The following PHF1 variants were observed in gnomAD, a reference collection of about 807,000 sequenced individuals.
PHF1 encodes the protein PHD finger protein 1.
In PHF1, 16 loss-of-function variants were observed where a neutral mutation model predicts 69.4. That is an observed-to-expected ratio of 0.23 (90% CI 0.16 to 0.35). The LOEUF (loss-of-function observed/expected upper bound fraction) is 0.35, where lower values mean the gene tolerates loss of function less well. Ranked by LOEUF, PHF1 falls within the 10% of genes least tolerant of loss-of-function variation. The probability of loss-of-function intolerance (pLI) is 1.00; values close to 1 mark genes in which losing one functional copy is unlikely to be tolerated. For missense variants in PHF1, 515 were observed against 732.8 expected, an observed-to-expected ratio of 0.70 and a Z score of 3.43; for synonymous variants, 274 against 275.0, an observed-to-expected ratio of 1.00 and a Z score of 0.04.
In PHF1 at chr6:33,415,909, A is replaced by C. The variant is rs1453593405; in HGVS notation, c.1515A>C (p.Pro505=). 6.2e-7 allele frequency: 1 copy of C among 1,613,688 alleles called. No homozygotes were observed. Among genetic ancestry groups the C allele is most frequent in the Admixed American group, 1.7e-5 (1 of 59,988 alleles). The change falls in exon 15 of 15, where the codon CCA becomes CCC. Residue 505 remains proline, a synonymous_variant. Transcript: ENST00000374516. ...CTTCCTCAGTTTCATCCCCATCCCC[A>C]GGTCTTCCTAGACGCTCAGCACCCC... ...ASSSSVSSPS[P]GLPRRSAPPS... is the part of the protein sequence containing the mutation.
In PHF1 at chr6:33,411,629, C is replaced by T. The variant is rs1581937024; in HGVS notation, c.-17+414C>T. On this transcript the variant is annotated intron_variant, in intron 1 of 14. Transcript: ENST00000374516. ...CTTTGCTTCTACAACCATAATTTCT[C>T]CTAAAATTTCAAGGCCAGTATATAA... Among the ~76,000 whole-genome samples, 4 of 152,088 alleles carry T rather than the reference C, an allele frequency of 2.6e-5. No homozygotes were observed. In the South Asian group the frequency reaches 8.3e-4, roughly 32 times the overall value.
At position 33,415,150 on chromosome 6, in the gene PHF1, G is replaced by A; in HGVS notation, c.1239+6G>A. The stretch of plus-strand genomic sequence containing the variant: ...ATCTGCAGAGGGCACTGCAGGTACT[G>A]GAGCAGGGGGAACCCGATGGAGCAA... On this transcript the variant is annotated splice_donor_region_variant and intron_variant, in intron 12 of 14. Coordinates refer to ENST00000374516, the MANE Select transcript of PHF1 (RefSeq NM_024165.3). The A allele has an allele frequency of 6.2e-7, 1 of 1,613,730 alleles. No homozygotes were observed. The highest frequency in any genetic ancestry group is 1.7e-4 in the Middle Eastern group (1 of 6,056).
rs1487134588 is a variant in PHF1 at position 33,414,448 on chromosome 6, C to T, written c.877-29C>T. 1.9e-6 allele frequency: 3 copies of T among 1,613,608 alleles called. No individual in the cohort carries two copies. Among genetic ancestry groups the T allele is most frequent in the South Asian group, 1.1e-5 (1 of 91,070 alleles). On this transcript the variant is annotated intron_variant, in intron 9 of 14. Coordinates refer to ENST00000374516, the MANE Select transcript of PHF1 (RefSeq NM_024165.3). The surrounding 1 kb of genome is among the most constrained non-coding windows in gnomAD (Gnocchi z 5.0). ...GGGAAGAGAAGAAATCACTGCTCCC[C>T]TGGCCCCATTTTTCTTCATTTCTCC... is the stretch of plus-strand genomic sequence containing the variant.
In PHF1 at chr6:33,414,246, G is replaced by A; in HGVS notation, c.756G>A (p.Val252=). The change falls in exon 9 of 15, where the codon GTG becomes GTA. Residue 252 remains valine, a synonymous_variant. Coordinates refer to ENST00000374516, the MANE Select transcript of PHF1 (RefSeq NM_024165.3). This position sits in a 1 kb window ranked among gnomAD's most constrained non-coding sequence, Gnocchi z 5.0. Reference sequence around the variant, plus strand: ...CTTGAAAACTTTGTTTTTCCAGGGTGGATGTGGCCCATCTTGTCCTGTATC... The same window carrying A: ...CTTGAAAACTTTGTTTTTCCAGGGTAGATGTGGCCCATCTTGTCCTGTATC... ...EKVRRLQLRW[V]DVAHLVLYHL... is the part of the protein sequence containing the mutation. 1 of 1,614,128 alleles carries A rather than the reference G, an allele frequency of 6.2e-7. No homozygotes were observed. Among genetic ancestry groups the A allele is most frequent in the Non-Finnish European group, 8.5e-7 (1 of 1,180,028 alleles).
rs909969183 is a variant in PHF1 at position 33,414,990 on chromosome 6, C to T, written c.1085C>T (p.Ser362Leu). The change falls in exon 12 of 15, where the codon TCA (serine) becomes TTA (leucine). Residue 362 changes from serine to leucine, a missense_variant. Around this residue, in one of 5 missense-constraint regions of PHF1, gnomAD observed 274 missense variants for 304.5 expected, o/e 0.90. Transcript: ENST00000374516. This position sits in a 1 kb window ranked among gnomAD's most constrained non-coding sequence, Gnocchi z 5.0. ...GGGCAGGGCCCTGGGGGAGGGGTCTCACGTCCCCTGGGGAAGCGCCGGAGG... is the reference window on the plus strand; with the variant it reads ...GGGCAGGGCCCTGGGGGAGGGGTCTTACGTCCCCTGGGGAAGCGCCGGAGG... Reference protein sequence around the residue: ...PSGQGPGGGVSRPLGKRRRPE... With the variant: ...PSGQGPGGGVLRPLGKRRRPE... The T allele has an allele frequency of 2.1e-5, 32 of 1,554,502 alleles. No homozygotes were observed. Among genetic ancestry groups the T allele is most frequent in the Non-Finnish European group, 2.7e-5 (31 of 1,149,520 alleles).
At chr6:33,411,925 A>T (rs1255941758) in intron 1 of PHF1, among the ~76,000 whole-genome samples, 1 of 152,128 alleles carries the variant, frequency 6.6e-6, no homozygotes, top group Non-Finnish European at 1.5e-5. Context: ...CACTTTGGGA[A>T]GCTGAGGTGG....
intron 1 of PHF1, among the ~76,000 whole-genome samples, 164 bp downstream of exon 1, chr6:33,411,379 G>GC (rs1377842068): frequency 1.3e-5 from 2 of 151,992 alleles, no homozygotes; most frequent in South Asian, 2.1e-4. Flanking sequence ...ACTGGGACAC[G>GC]CCCCCCTCCC....
rs1432057465 is a variant in PHF1 at position 33,412,692 on chromosome 6, T to C, written c.242-6T>C. The stretch of plus-strand genomic sequence containing the variant: ...GCAGGCCCTGTGACACTGTGTTCTC[T>C]CACAGCTGCCCTCCCTGGAGAGGAA... On this transcript the variant is annotated splice_region_variant and splice_polypyrimidine_tract_variant and intron_variant, in intron 3 of 14. Transcript: ENST00000374516. This position sits in a 1 kb window ranked among gnomAD's most constrained non-coding sequence, Gnocchi z 4.2. The C allele has an allele frequency of 6.2e-7, 1 of 1,613,830 alleles. No individual in the cohort carries two copies.
In PHF1 at chr6:33,415,689, T is replaced by C. The variant is rs2151112623; in HGVS notation, c.1415+19T>C. The C allele has an allele frequency of 6.2e-7, 1 of 1,612,256 alleles. No individual in the cohort carries two copies. The highest frequency in any genetic ancestry group is 8.5e-7 in the Non-Finnish European group (1 of 1,178,346). On this transcript the variant is annotated intron_variant, in intron 14 of 14. Coordinates refer to ENST00000374516, the MANE Select transcript of PHF1 (RefSeq NM_024165.3). ...CAGACAGGTGAGATTCTGTCTTCTATTACCAGTGATGCTCTTCTTCCCCTC... is the reference window on the plus strand; with the variant it reads ...CAGACAGGTGAGATTCTGTCTTCTACTACCAGTGATGCTCTTCTTCCCCTC...
chr6:33,414,163 C>G lies in PHF1; in HGVS notation c.752+54C>G, dbSNP rs1581945142. 6.2e-7 allele frequency: 1 copy of G among 1,613,536 alleles called. No individual in the cohort carries two copies. The highest frequency in any genetic ancestry group is 8.5e-7 in the Non-Finnish European group (1 of 1,179,452). The stretch of plus-strand genomic sequence containing the variant: ...TAACTCCACACCACAGTATTTCACT[C>G]TATATGCCCCAACCTCCCACCTCAG... On this transcript the variant is annotated intron_variant, in intron 8 of 14. Transcript: ENST00000374516. The surrounding 1 kb of genome is among the most constrained non-coding windows in gnomAD (Gnocchi z 5.0).
At position 33,414,814 on chromosome 6, in the gene PHF1, A is replaced by G; in HGVS notation, c.1034A>G (p.Asp345Gly). Residue 345 changes from aspartate to glycine, a missense_variant, in exon 11 of 15, where the codon GAT becomes GGT. Coordinates refer to ENST00000374516, the MANE Select transcript of PHF1 (RefSeq NM_024165.3). This position sits in a 1 kb window ranked among gnomAD's most constrained non-coding sequence, Gnocchi z 5.0. ...CCCCCTGTGGAGCCCCCTACTGGAG[A>G]TGGAGCACTCACCAGGTCACTGGTC... is the stretch of plus-strand genomic sequence containing the variant. ...MPPPVEPPTG[D>G]GALTSFPSGQ... The G allele has an allele frequency of 6.2e-7, 1 of 1,611,726 alleles. No individual in the cohort carries two copies. The highest frequency in any genetic ancestry group is 8.5e-7 in the Non-Finnish European group (1 of 1,179,046).
Position 33,416,010 on chromosome 6 carries a change from G to C in PHF1, c.1616G>C (p.Gly539Ala), listed in dbSNP as rs750089367. ...VRGGVGYLSR[G>A]DPVRVLARRV... ...GGTGGGGTTGGTTACCTGTCCCGAG[G>C]GGACCCTGTCCGGGTCCTTGCTCGG... Residue 539 changes from glycine (G) to alanine (A), a missense_variant, in exon 15 of 15, where the codon GGG (glycine) becomes GCG (alanine). By Grantham distance (60) the Gly-to-Ala change is moderately conservative (BLOSUM62 0). Transcript: ENST00000374516. 4.0e-5 allele frequency: 64 copies of C among 1,613,676 alleles called. No individual in the cohort carries two copies. The highest frequency in any genetic ancestry group is 5.4e-5 in the Non-Finnish European group (64 of 1,179,708).
chr6:33,415,869 C>G lies in PHF1; in HGVS notation c.1475C>G (p.Ser492Trp). ...GACATCCCTAAAAGTGCCCCCCACTCGATGACTGCCTCATCTTCCTCAGTT... is the reference window on the plus strand; with the variant it reads ...GACATCCCTAAAAGTGCCCCCCACTGGATGACTGCCTCATCTTCCTCAGTT... ...PTDIPKSAPHSMTASSSSVSS... is the reference protein window; with the variant it reads ...PTDIPKSAPHWMTASSSSVSS... Residue 492 changes from serine (S) to tryptophan (W), a missense_variant, in exon 15 of 15, where the codon TCG (serine) becomes TGG (tryptophan). Physicochemically the swap from Ser to Trp is radical, Grantham distance 177. Around this residue, in one of 5 missense-constraint regions of PHF1, gnomAD observed 274 missense variants for 304.5 expected, o/e 0.90. Transcript: ENST00000374516. The G allele has an allele frequency of 6.2e-7, 1 of 1,610,580 alleles. No homozygotes were observed. The highest frequency in any genetic ancestry group is 8.5e-7 in the Non-Finnish European group (1 of 1,177,380).
chr6:33,413,185 T>TA lies in PHF1; in HGVS notation c.338-10dup, dbSNP rs1251441816. On this transcript the variant is annotated splice_polypyrimidine_tract_variant and intron_variant, in intron 4 of 14. Transcript: ENST00000374516. ...AGGTATGCAATAAGTGGTCTACTAT[T>TA]ATCACTGCAGCTTATCACCAGGACT... 4 of 1,610,484 alleles carry TA rather than the reference T, an allele frequency of 2.5e-6. No homozygotes were observed. The highest frequency in any genetic ancestry group is 3.4e-6 in the Non-Finnish European group (4 of 1,176,890).
In PHF1 at chr6:33,412,130, C is replaced by T; in HGVS notation, c.-16-118C>T. ...TGAGCCAAGATTGTGCCACTGCACT[C>T]TGGCCTGGGCGACAGAGCAAAACTC... On this transcript the variant is annotated intron_variant, in intron 1 of 14. Coordinates refer to ENST00000374516, the MANE Select transcript of PHF1 (RefSeq NM_024165.3). The surrounding 1 kb of genome is among the most constrained non-coding windows in gnomAD (Gnocchi z 4.2). 6 of 771,704 alleles carry T rather than the reference C, an allele frequency of 7.8e-6. No homozygotes were observed. In the Admixed American group the frequency reaches 1.7e-4, roughly 22 times the overall value. The allele number at this position is 771,704 out of a possible 1,614,324, so 47.8% of individuals were successfully genotyped here. A position where few individuals can be genotyped will look rare whatever the true frequency, so the allele number is the denominator to read the frequency against.
At position 33,412,454 on chromosome 6, in the gene PHF1, G is replaced by C; in HGVS notation, c.159+32G>C. On this transcript the variant is annotated intron_variant, in intron 2 of 14. Transcript: ENST00000374516. The surrounding 1 kb of genome is among the most constrained non-coding windows in gnomAD (Gnocchi z 4.2). Reference sequence around the variant, plus strand: ...CCTTCTACCTCTGACCTTCTTCCTAGTTCCCTTATCTAATTCTGGTTCCCA... The same window carrying C: ...CCTTCTACCTCTGACCTTCTTCCTACTTCCCTTATCTAATTCTGGTTCCCA... 6.2e-7 allele frequency: 1 copy of C among 1,614,210 alleles called. No individual in the cohort carries two copies. Among genetic ancestry groups the C allele is most frequent in the Non-Finnish European group, 8.5e-7 (1 of 1,180,020 alleles).
At position 33,416,188 on chromosome 6, in the gene PHF1, G is replaced by A. The variant is rs1483275238; in HGVS notation, c.*90G>A. The A allele has an allele frequency of 3.4e-6, 4 of 1,178,304 alleles. No individual in the cohort carries two copies. The highest frequency in any genetic ancestry group is 1.5e-5 in the African/African-American group (1 of 65,184). The allele number at this position is 1,178,304 out of a possible 1,614,324, so 73.0% of individuals were successfully genotyped here. On this transcript the variant is annotated 3_prime_UTR_variant, in exon 15 of 15. Coordinates refer to ENST00000374516, the MANE Select transcript of PHF1 (RefSeq NM_024165.3). ...CTCACCTACAGCTGGGATGTACCTG[G>A]AGAGATAGGGGGTAGTTCTCCCTAC... is the stretch of plus-strand genomic sequence containing the variant.
rs771629046 is a variant in PHF1 at position 33,412,301 on chromosome 6, C to T, written c.38C>T (p.Ser13Phe). The change falls in exon 2 of 15, where the codon TCC becomes TTC. Residue 13 changes from serine to phenylalanine, a missense_variant. By Grantham distance (155) the Ser-to-Phe change is radical. Transcript: ENST00000374516. This position sits in a 1 kb window ranked among gnomAD's most constrained non-coding sequence, Gnocchi z 4.2. ...CCCCGGCTGAGCCGCTCTGGTGCCT[C>T]CTCACTTTGGGACCCAGCTTCTCCT... ...QPPRLSRSGA[S>F]SLWDPASPAP... 3.7e-6 allele frequency: 6 copies of T among 1,614,058 alleles called. No homozygotes were observed. Among genetic ancestry groups the T allele is most frequent in the South Asian group, 2.2e-5 (2 of 91,086 alleles).
chr6:33,411,421 G>T (rs930689745), intron 1 of PHF1, among the ~76,000 whole-genome samples: 2 of 152,066 alleles, frequency 1.3e-5, no homozygotes, highest in Non-Finnish European at 1.5e-5. Flanking sequence ...TAACCCGGGG[G>T]CAGGGAGCCC....
Sources: allele counts gnomAD v4.1 joint callset (sites outside exome capture counted in the v4.1 genomes callset), GRCh38; gene constraint gnomAD v4.1.1; regional missense constraint gnomAD v4.1.1; non-coding constraint Gnocchi (gnomAD v3.1); transcripts MANE v1.5; gene names NCBI Gene and HGNC (gene_info 2026-07-23, HGNC 2026-07-21).